The following RBFOX1 variants were observed in gnomAD, a reference collection of about 807,000 sequenced individuals.
The protein encoded by RBFOX1 is RNA binding protein fox-1 homolog 1.
A neutral mutation model predicts 57.7 loss-of-function variants in RBFOX1; 8 were observed. That is an observed-to-expected ratio of 0.14 (90% CI 0.08 to 0.25). The LOEUF (loss-of-function observed/expected upper bound fraction) is 0.25. Ranked by LOEUF, RBFOX1 falls within the 10% of genes least tolerant of loss-of-function variation. The pLI, the probability that RBFOX1 is intolerant of heterozygous loss-of-function variation, is 1.00. For synonymous variants in RBFOX1, 326 were observed against 222.4 expected (o/e 1.47, Z -4.15); for missense variants, 611 against 548.5 (o/e 1.11, Z -1.14).
chr16:5,716,821 G>C (rs925842117), intron 3 of RBFOX1, among the ~76,000 whole-genome samples: 4 of 150,278 alleles, frequency 2.7e-5, no homozygotes, highest in African/African-American at 7.6e-5. Context: ...ACTTGTCCCA[G>C]GTTGCATGAC....
chr16:5,820,431 C>T (rs995407310), intron 3 of RBFOX1, among the ~76,000 whole-genome samples: 6 of 152,168 alleles, frequency 3.9e-5, no homozygotes, highest in South Asian at 4.1e-4. Context: ...ACCCCGGCCA[C>T]GTGGCTGGAC....
At chr16:6,648,267 T>G (rs114536063) in intron 2 of RBFOX1, among the ~76,000 whole-genome samples, 2,142 of 150,868 alleles carry the variant, frequency 0.014, 59 homozygotes, top group African/African-American at 0.049. Context: ...CCCTAAGGTT[T>G]CCAGGCTGGT....
At chr16:7,115,984 T>G (rs1013370963) in intron 4 of RBFOX1, among the ~76,000 whole-genome samples, 5 of 152,172 alleles carry the variant, frequency 3.3e-5, no homozygotes, top group Non-Finnish European at 7.3e-5. Flanking sequence ...TAATGAAAGC[T>G]CACATATATG....
At chr16:7,515,037 T>C (rs2076052627) in intron 4 of RBFOX1, among the ~76,000 whole-genome samples, 1 of 152,156 alleles carries the variant, frequency 6.6e-6, no homozygotes, top group Non-Finnish European at 1.5e-5. Context: ...ACTTCAGAGA[T>C]GGGCCAGGTA....
intron 2 of RBFOX1, among the ~76,000 whole-genome samples, chr16:6,585,230 T>C (rs1861215): frequency 0.84 from 128,221 of 152,158 alleles, 57,069 homozygotes; most frequent in East Asian, 1. Context: ...ATAACTATCA[T>C]CTTTCCTATC....
intron 4 of RBFOX1, among the ~76,000 whole-genome samples, chr16:7,472,144 C>T (rs1023655437): frequency 1.1e-4 from 17 of 152,264 alleles, no homozygotes; most frequent in African/African-American, 3.6e-4. Context: ...ATAATTTCTT[C>T]TTTTTATCCA....
chr16:5,976,218 C>T (rs11863516), intron 4 of RBFOX1, among the ~76,000 whole-genome samples: 1 of 151,946 alleles, frequency 6.6e-6, no homozygotes. Flanking sequence ...TTACCCAGTT[C>T]GGTATCCCAG....
chr16:6,963,295 T>G (rs529210485), intron 3 of RBFOX1, among the ~76,000 whole-genome samples: 68 of 152,306 alleles, frequency 4.5e-4, no homozygotes, highest in Non-Finnish European at 7.5e-4. Context: ...GACTTTTTTT[T>G]TTGTTGCTCT....
intron 4 of RBFOX1, among the ~76,000 whole-genome samples, chr16:7,205,183 T>C (rs541710437): frequency 6.6e-5 from 10 of 152,150 alleles, no homozygotes; most frequent in Non-Finnish European, 1.3e-4. Context: ...GAGATGAGGC[T>C]TGCTCGATGA....
At chr16:6,892,559 A>G (rs759645092) in intron 3 of RBFOX1, among the ~76,000 whole-genome samples, 1 of 152,140 alleles carries the variant, frequency 6.6e-6, no homozygotes, top group Non-Finnish European at 1.5e-5. Context: ...AATCTCTGCT[A>G]CTCAGGAGCC....
In RBFOX1 at chr16:7,313,463, T is replaced by A. The variant is rs180871798; in HGVS notation, c.28-204684T>A. On this transcript the variant is annotated intron_variant, in intron 4 of 15. Coordinates refer to ENST00000550418, the MANE Select transcript of RBFOX1 (RefSeq NM_018723.4). The stretch of plus-strand genomic sequence containing the variant: ...TCTTTCTTCTTTTTTATCTTTTTTT[T>A]TCTTTTCTTGTCTTTTTTTTTTTAA... Among the ~76,000 whole-genome samples the A allele has an allele frequency of 2.7e-4, 26 of 96,304 alleles. No individual in the cohort carries two copies. The East Asian group carries it at 0.014, about 50-fold the overall frequency. 63.2% of individuals were successfully genotyped at this position (96,304 alleles called of 152,430 possible). A position where few individuals can be genotyped will look rare whatever the true frequency, so the allele number is the denominator to read the frequency against.
chr16:7,261,858 G>T lies in RBFOX1; in HGVS notation c.27+209760G>T, dbSNP rs113221041. The stretch of plus-strand genomic sequence containing the variant: ...TCTCCCCAAAGTCTTGGATTCATTT[G>T]TTCAGGAGGCAAGGTTCCTTTGGGC... On this transcript the variant is annotated intron_variant, in intron 4 of 15. Transcript: ENST00000550418. Among the ~76,000 whole-genome samples, 615 of 152,238 alleles carry T rather than the reference G, an allele frequency of 4.0e-3. 5 individuals carry two copies. Among genetic ancestry groups the T allele is most frequent in the African/African-American group, 0.014 (587 of 41,554 alleles).
intron 2 of RBFOX1, among the ~76,000 whole-genome samples, chr16:5,573,953 C>G (rs571365352): frequency 1.6e-3 from 242 of 152,076 alleles, no homozygotes; most frequent in African/African-American, 5.6e-3. Flanking sequence ...GACCCTGTCT[C>G]AAAAGGAAAA....
chr16:5,896,438 G>T lies in RBFOX1; in HGVS notation c.351+29103G>T, dbSNP rs185147807. On this transcript the variant is annotated intron_variant, in intron 4 of 19. Transcript: ENST00000641259. ...CTAAAAAAACCTGGCACCTCCCTGC[G>T]CTCCCCCTGTTTTGCTTCCTCTCTT... Among the ~76,000 whole-genome samples, 1,221 of 151,628 alleles carry T rather than the reference G, an allele frequency of 8.1e-3. 16 individuals carry two copies. Among genetic ancestry groups the T allele is most frequent in the African/African-American group, 0.028 (1,177 of 41,460 alleles).
chr16:6,220,749 A>G (rs1306522485), intron 1 of RBFOX1, among the ~76,000 whole-genome samples: 3 of 151,392 alleles, frequency 2.0e-5, no homozygotes, highest in Admixed American at 2.0e-4. Context: ...AATAATGAAG[A>G]AAACAAAAGC....
chr16:6,427,314 T>C (rs1372842970), intron 2 of RBFOX1, among the ~76,000 whole-genome samples: 1 of 152,186 alleles, frequency 6.6e-6, no homozygotes, highest in Non-Finnish European at 1.5e-5. Context: ...TCATCTTATG[T>C]TTACATTATT....
Position 7,710,775 on chromosome 16 carries a change from G to A in RBFOX1, c.*30G>A. 1 of 1,511,286 alleles carries A rather than the reference G, an allele frequency of 6.6e-7. No homozygotes were observed. Among genetic ancestry groups the A allele is most frequent in the Non-Finnish European group, 8.9e-7 (1 of 1,127,158 alleles). 93.6% of individuals were successfully genotyped at this position (1,511,286 alleles called of 1,614,324 possible). ...CAAAACCATAAAAACCTTCCAATGT[G>A]GGGAGAAAGGAAGCTTTCCGAGGCC... On this transcript the variant is annotated 3_prime_UTR_variant, in exon 16 of 16. Coordinates refer to ENST00000550418, the MANE Select transcript of RBFOX1 (RefSeq NM_018723.4).
At chr16:5,331,547 C>A (rs1250881562) in intron 1 of RBFOX1, among the ~76,000 whole-genome samples, 1 of 152,226 alleles carries the variant, frequency 6.6e-6, no homozygotes, top group Non-Finnish European at 1.5e-5. Context: ...AATGGCAGAG[C>A]ACACTCAAAC....
chr16:6,165,454 A>C lies in RBFOX1; in HGVS notation c.-127+145462A>C, dbSNP rs2096910233. On this transcript the variant is annotated intron_variant, in intron 1 of 15. Transcript: ENST00000550418. ...ACCAAAAAGAAAGCAGCACCTAGGA[A>C]GGAGCTATTTGCAGAAGTCTCACTC... Among the ~76,000 whole-genome samples the C allele has an allele frequency of 2.0e-5, 3 of 152,330 alleles. No homozygotes were observed. In the South Asian group the frequency reaches 6.2e-4, roughly 32 times the overall value.
Sources: allele counts gnomAD v4.1 joint callset (sites outside exome capture counted in the v4.1 genomes callset), GRCh38; gene constraint gnomAD v4.1.1; transcripts MANE v1.5; gene names NCBI Gene and HGNC (gene_info 2026-07-23, HGNC 2026-07-21).